The following PRMT2 variants were observed in gnomAD, a reference collection of about 807,000 sequenced individuals.
The protein encoded by PRMT2 is protein arginine N-methyltransferase 2.
In PRMT2, 26 loss-of-function variants were observed where a neutral mutation model predicts 57.6. The observed-to-expected ratio is 0.45, with a 90% CI of 0.33 to 0.63. The LOEUF (loss-of-function observed/expected upper bound fraction) is 0.63. PRMT2 is among the 20% of genes least tolerant of loss of function. PRMT2 has a pLI of 0.02. For missense variants in PRMT2, 472 were observed against 564.4 expected (o/e 0.84, Z 1.66); for synonymous variants, 219 against 220.0 (o/e 1.00, Z 0.04).
intron 7 of PRMT2, chr21:46,657,305 C>T (rs894852609): frequency 6.6e-6 from 1 of 151,442 alleles, no homozygotes; most frequent in Non-Finnish European, 1.5e-5. Flanking sequence ...TGTGTTCAAC[C>T]CAGAGATATG....
chr21:46,660,803 C>G (rs959981489), intron 8 of PRMT2, 30 bp from the exon 9 acceptor site: 2 of 1,611,748 alleles, frequency 1.2e-6, no homozygotes, highest in African/African-American at 2.7e-5. Context: ...TGCAATGACT[C>G]TCAACAGTCG....
intron 3 of PRMT2, among the ~76,000 whole-genome samples, chr21:46,638,205 T>C (rs771734842): frequency 6.6e-6 from 1 of 152,202 alleles, no homozygotes; most frequent in African/African-American, 2.4e-5. Flanking sequence ...GTAGCTTGCC[T>C]CTTCATATAA....
At chr21:46,651,969 C>G in intron 7 of PRMT2, 5 of 1,613,344 alleles carry the variant, frequency 3.1e-6, no homozygotes, top group Non-Finnish European at 4.2e-6. Flanking sequence ...CCTCAGCCCT[C>G]AGGCCTTCAT....
intron 3 of PRMT2, among the ~76,000 whole-genome samples, chr21:46,640,134 G>A (rs2061245415): frequency 6.6e-6 from 1 of 152,044 alleles, no homozygotes; most frequent in Non-Finnish European, 1.5e-5. Flanking sequence ...GATCTTAGAA[G>A]TTAGTTTCAT....
chr21:46,651,746 G>A, intron 7 of PRMT2: 1 of 1,576,796 alleles, frequency 6.3e-7, no homozygotes, highest in African/African-American at 1.3e-5. Flanking sequence ...TTGAGGGAGG[G>A]AGGGTATGAA....
chr21:46,656,412 A>C (rs1217607867), intron 7 of PRMT2, among the ~76,000 whole-genome samples: 1 of 152,238 alleles, frequency 6.6e-6, no homozygotes, highest in Non-Finnish European at 1.5e-5. Context: ...AGAATTTTTT[A>C]AAAGAAGGGT....
intron 11 of PRMT2, among the ~76,000 whole-genome samples, chr21:46,663,909 C>G (rs1302139130): frequency 6.6e-6 from 1 of 152,170 alleles, no homozygotes; most frequent in Non-Finnish European, 1.5e-5. Context: ...TTACACAGGC[C>G]TCTGTGGCTT....
intron 4 of PRMT2, 140 bp downstream of exon 4, chr21:46,643,779 C>G: frequency 9.0e-7 from 1 of 1,105,344 alleles, no homozygotes. Flanking sequence ...GTGTGTGAAG[C>G]TCACAGCCCA....
intron 3 of PRMT2, among the ~76,000 whole-genome samples, chr21:46,637,606 T>C (rs1281706872): frequency 6.6e-6 from 1 of 152,200 alleles, no homozygotes; most frequent in African/African-American, 2.4e-5. Flanking sequence ...GTCAGAATCT[T>C]TCGTTAATTT....
rs1189904807 is a variant in PRMT2 at position 46,658,766 on chromosome 21, A to G, written c.676A>G (p.Ile226Val). 2 of 1,614,168 alleles carry G rather than the reference A, an allele frequency of 1.2e-6. No homozygotes were observed. Among genetic ancestry groups the G allele is most frequent in the Non-Finnish European group, 1.7e-6 (2 of 1,180,030 alleles). ...GCAGTTTGAGTTCATGATCGAGTCC[A>G]TCCTGTATGCCCGGGATGCCTGGCT... Reference protein sequence around the residue: ...CLLFEFMIESILYARDAWLKE... With the variant: ...CLLFEFMIESVLYARDAWLKE... The change falls in exon 8 of 12, where the codon ATC becomes GTC. Residue 226 changes from isoleucine to valine, a missense_variant. Coordinates refer to ENST00000355680, the MANE Select transcript of PRMT2 (RefSeq NM_206962.4).
Position 46,663,399 on chromosome 21 carries a change from C to T in PRMT2, c.1114C>T (p.Gln372Ter), listed in dbSNP as rs780609398. 9 of 1,612,952 alleles carry T rather than the reference C, an allele frequency of 5.6e-6. No homozygotes were observed. Among genetic ancestry groups the T allele is most frequent in the Non-Finnish European group, 7.6e-6 (9 of 1,179,132 alleles). The stretch of plus-strand genomic sequence containing the variant: ...GTCTTGCAGCACCACACACTGGAAG[C>T]AGACGCTGTTCATGATGGACGACCC... ...GPFHPTTHWK[Q>*]TLFMMDDPVP... The change falls in exon 11 of 12, where the codon CAG (glutamine) becomes TAG (stop). Residue 372 changes from glutamine (Q) to a stop codon, truncating the protein, a stop_gained. Coordinates refer to ENST00000355680, the MANE Select transcript of PRMT2 (RefSeq NM_206962.4). LOFTEE classifies it high-confidence loss of function.
rs566049229 is a variant in PRMT2, at chr21:46,646,006, G to A, written c.327+1518G>A. Among the ~76,000 whole-genome samples, 110 of 152,178 alleles carry A rather than the reference G, an allele frequency of 7.2e-4. 1 individual carries two copies. Among genetic ancestry groups the A allele is most frequent in the African/African-American group, 2.3e-3 (95 of 41,530 alleles). ...TGGGATTACAGGCATGAACCATTGCGCCCGGCCGGAAGGTACTGTTTGTGA... is the reference window on the plus strand; with the variant it reads ...TGGGATTACAGGCATGAACCATTGCACCCGGCCGGAAGGTACTGTTTGTGA... On this transcript the variant is annotated intron_variant, in intron 5 of 11. Transcript: ENST00000355680.
intron 7 of PRMT2, among the ~76,000 whole-genome samples, chr21:46,655,299 A>G (rs1011143611): frequency 1.3e-5 from 2 of 152,186 alleles, no homozygotes; most frequent in African/African-American, 2.4e-5. Context: ...AAATGTAAAA[A>G]TCCTCAAGAA....
chr21:46,653,505 T>G, intron 7 of PRMT2: 2 of 978,662 alleles, frequency 2.0e-6, no homozygotes, highest in Non-Finnish European at 2.4e-6. Context: ...ACTTTCAGTT[T>G]GTGGCACTGA....
rs968010249 is a variant in PRMT2 at position 46,652,646 on chromosome 21, A to G, written c.654+2907A>G. On this transcript the variant is annotated intron_variant, in intron 7 of 11. Coordinates refer to ENST00000355680, the MANE Select transcript of PRMT2 (RefSeq NM_206962.4). The stretch of plus-strand genomic sequence containing the variant: ...CCATGCCCTTTTTTTGGCAGTGTAA[A>G]TTGGTAAAGCCTTTTGAAGGAAAAT... 6 of 985,096 alleles carry G rather than the reference A, an allele frequency of 6.1e-6. No homozygotes were observed. The South Asian group carries it at 2.8e-4, about 46-fold the overall frequency. The allele number at this position is 985,096 out of a possible 1,614,324, so 61.0% of individuals were successfully genotyped here. A position where few individuals can be genotyped will look rare whatever the true frequency, so the allele number is the denominator to read the frequency against.
chr21:46,661,234 A>T, intron 9 of PRMT2: 1 of 290,142 alleles, frequency 3.4e-6, no homozygotes, highest in Non-Finnish European at 6.3e-6. Context: ...TAATATTCTC[A>T]GCATCTTCAA....
Position 46,664,648 on chromosome 21 carries a change from G to A in PRMT2, c.*321G>A, listed in dbSNP as rs2061677315. ...GCTCCATGTTCCTAAGCTAGGTCTA[G>A]GTCTACACTCCTAGGACGCACGCAT... On this transcript the variant is annotated 3_prime_UTR_variant, in exon 12 of 12. Coordinates refer to ENST00000355680, the MANE Select transcript of PRMT2 (RefSeq NM_206962.4). 1 of 459,354 alleles carries A rather than the reference G, an allele frequency of 2.2e-6. No homozygotes were observed. The highest frequency in any genetic ancestry group is 3.9e-5 in the East Asian group (1 of 25,376). 28.5% of individuals were successfully genotyped at this position (459,354 alleles called of 1,614,324 possible). A position where few individuals can be genotyped will look rare whatever the true frequency, so the allele number is the denominator to read the frequency against.
Position 46,659,759 on chromosome 21 carries a change from C to T in PRMT2, c.830+839C>T, listed in dbSNP as rs943212113. 5.1e-6 allele frequency: 5 copies of T among 985,308 alleles called. No homozygotes were observed. In the African/African-American group the frequency reaches 7.0e-5, roughly 14 times the overall value. 61.0% of individuals were successfully genotyped at this position (985,308 alleles called of 1,614,324 possible). On this transcript the variant is annotated intron_variant, in intron 8 of 11. Coordinates refer to ENST00000355680, the MANE Select transcript of PRMT2 (RefSeq NM_206962.4). The stretch of plus-strand genomic sequence containing the variant: ...CCTCCCACCTGAGTGTTCCTCCCGG[C>T]ACTGGAAGCCAGTGGCCGTCCAGAG...
chr21:46,656,085 A>G (rs2061538340), intron 7 of PRMT2, among the ~76,000 whole-genome samples: 1 of 152,060 alleles, frequency 6.6e-6, no homozygotes, highest in Admixed American at 6.6e-5. Flanking sequence ...TCCCTCATGA[A>G]TAGATGAATG....
Sources: allele counts gnomAD v4.1 joint callset (sites outside exome capture counted in the v4.1 genomes callset), GRCh38; gene constraint gnomAD v4.1.1; transcripts MANE v1.5; gene names NCBI Gene and HGNC (gene_info 2026-07-23, HGNC 2026-07-21).